The following STX7 variants were observed in gnomAD, a reference collection of about 807,000 sequenced individuals.
STX7 encodes the protein syntaxin-7.
A neutral mutation model predicts 39.6 loss-of-function variants in STX7; 34 were observed. That is an observed-to-expected ratio of 0.86 (90% CI 0.65 to 1.14). The LOEUF is 1.14. STX7 is among the 50% of genes most tolerant of loss of function. The pLI, the probability that STX7 is intolerant of heterozygous loss-of-function variation, is 0.00. For synonymous variants in STX7, 119 were observed against 99.1 expected, an observed-to-expected ratio of 1.20 and a Z score of -1.19; for missense variants, 284 against 310.4, an observed-to-expected ratio of 0.92 and a Z score of 0.64.
At position 132,513,061 on chromosome 6, in the gene STX7, G is replaced by C. The variant is rs906563866; in HGVS notation, c.-113C>G. The C allele has an allele frequency of 1.3e-5, 2 of 152,304 alleles. No individual in the cohort carries two copies. The allele number at this position is 152,304 out of a possible 1,614,324, so 9.4% of individuals were successfully genotyped here. A position where few individuals can be genotyped will look rare whatever the true frequency, so the allele number is the denominator to read the frequency against. On this transcript the variant is annotated 5_prime_UTR_variant, in exon 1 of 10. Coordinates refer to ENST00000367941, the MANE Select transcript of STX7 (RefSeq NM_003569.3). ...CCGACCGCCGTCACCCACCTACCCC[G>C]GAGCCCTCAGCTGCAATTCTCAGCT...
At chr6:132,475,783 A>ACTTTGTTTTC (rs11274894) in intron 2 of STX7, 121 bp from the exon 3 acceptor site, 1 of 526,664 alleles carries the variant, frequency 1.9e-6, no homozygotes, top group Non-Finnish European at 3.2e-6. Context: ...AAAGATGAAA[A>ACTTTGTTTTC]TAGAAAATAT....
intron 9 of STX7, among the ~76,000 whole-genome samples, chr6:132,462,525 T>C (rs2114350892): frequency 6.6e-6 from 1 of 152,114 alleles, no homozygotes; most frequent in Non-Finnish European, 1.5e-5. Context: ...TGATGGATCC[T>C]GTTAAGTTTC....
chr6:132,468,436 C>T lies in STX7; in HGVS notation c.577G>A (p.Gly193Arg), dbSNP rs149848428. ...MDINEIFKDL[G>R]MMIHEQGDVI... ...TCTCCTTGTTCATGAATCATCATTC[C>T]CAAATCTTTAAATATTTCATTAATA... is the stretch of plus-strand genomic sequence containing the variant. The change falls in exon 8 of 10, where the codon GGA (glycine) becomes AGA (arginine). Residue 193 changes from glycine to arginine, a missense_variant. Gly to Arg is a moderately radical substitution (Grantham distance 125). Transcript: ENST00000367941. 4 of 1,607,342 alleles carry T rather than the reference C, an allele frequency of 2.5e-6. No individual in the cohort carries two copies. The highest frequency in any genetic ancestry group is 3.4e-6 in the Non-Finnish European group (4 of 1,176,580).
intron 2 of STX7, among the ~76,000 whole-genome samples, chr6:132,490,195 C>T (rs1259524416): frequency 6.6e-6 from 1 of 152,192 alleles, no homozygotes; most frequent in Admixed American, 6.5e-5. Flanking sequence ...CCCGCTGACA[C>T]ATCTTTTGCC....
In STX7 at chr6:132,464,716, G is replaced by A. The variant is rs184130783; in HGVS notation, c.611-641C>T. On this transcript the variant is annotated intron_variant, in intron 8 of 9. Coordinates refer to ENST00000367941, the MANE Select transcript of STX7 (RefSeq NM_003569.3). ...ACTTAGTTTGTGTTCTGTAATGGCC[G>A]ACTCAGTAGCAAGCATGTGACAATG... Among the ~76,000 whole-genome samples, 217 of 152,188 alleles carry A rather than the reference G, an allele frequency of 1.4e-3. 1 individual carries two copies. Among genetic ancestry groups the A allele is most frequent in the African/African-American group, 4.9e-3 (203 of 41,526 alleles).
rs1286438517 is a variant in STX7 at position 132,458,387 on chromosome 6, T to C, written c.*2371A>G. On this transcript the variant is annotated 3_prime_UTR_variant, in exon 10 of 10. Coordinates refer to ENST00000367941, the MANE Select transcript of STX7 (RefSeq NM_003569.3). ...ATCACTCTTTTACCATCAATCATAT[T>C]GCAAAACCATAGTATTTAACGACCA... The C allele has an allele frequency of 1.3e-5, 2 of 152,226 alleles. No homozygotes were observed. Among genetic ancestry groups the C allele is most frequent in the South Asian group, 2.1e-4 (1 of 4,824 alleles). 9.4% of individuals were successfully genotyped at this position (152,226 alleles called of 1,614,324 possible).
chr6:132,506,429 AG>A (rs1248329530), intron 1 of STX7, among the ~76,000 whole-genome samples: 1 of 152,212 alleles, frequency 6.6e-6, no homozygotes, highest in African/African-American at 2.4e-5. Flanking sequence ...CCCATTAAAA[AG>A]GGGGCAAAGC....
At chr6:132,477,143 T>A (rs549123606) in intron 2 of STX7, among the ~76,000 whole-genome samples, 1 of 152,246 alleles carries the variant, frequency 6.6e-6, no homozygotes, top group South Asian at 2.1e-4. Flanking sequence ...ACTCTTAGCA[T>A]TTGGCTAATT....
At chr6:132,487,125 G>C (rs1261624811) in intron 2 of STX7, among the ~76,000 whole-genome samples, 1 of 152,180 alleles carries the variant, frequency 6.6e-6, no homozygotes, top group East Asian at 1.9e-4. Context: ...CTGGTTCTTT[G>C]TGAGAAGGTT....
chr6:132,461,654 G>A, intron 9 of STX7: 1 of 606,182 alleles, frequency 1.6e-6, no homozygotes, highest in South Asian at 2.6e-5. Context: ...ATTTTGGAAT[G>A]AGTTTCCAAA....
chr6:132,481,952 T>C (rs1446074296), intron 2 of STX7, among the ~76,000 whole-genome samples: 1 of 152,182 alleles, frequency 6.6e-6, no homozygotes, highest in Non-Finnish European at 1.5e-5. Flanking sequence ...TACTCAGACC[T>C]ACACTGAAAT....
At chr6:132,463,539 A>AT (rs1378718803) in intron 9 of STX7, among the ~76,000 whole-genome samples, 1 of 152,202 alleles carries the variant, frequency 6.6e-6, no homozygotes, top group Admixed American at 6.5e-5. Flanking sequence ...CTCCAAGCTA[A>AT]TATGATTTCC....
rs934504877 is a variant in STX7, at chr6:132,459,406, G to C, written c.*1352C>G. Reference sequence around the variant, plus strand: ...CAGAAAGATGCTGAATGGCCACAGTGCATGTGGTGATGTCTCCATGCTGAG... The same window carrying C: ...CAGAAAGATGCTGAATGGCCACAGTCCATGTGGTGATGTCTCCATGCTGAG... On this transcript the variant is annotated 3_prime_UTR_variant, in exon 10 of 10. Coordinates refer to ENST00000367941, the MANE Select transcript of STX7 (RefSeq NM_003569.3). 4 of 152,234 alleles carry C rather than the reference G, an allele frequency of 2.6e-5. No individual in the cohort carries two copies. Among genetic ancestry groups the C allele is most frequent in the African/African-American group, 9.6e-5 (4 of 41,452 alleles). The allele number at this position is 152,234 out of a possible 1,614,324, so 9.4% of individuals were successfully genotyped here.
Position 132,488,959 on chromosome 6 carries a change from T to C in STX7, c.86-13297A>G, listed in dbSNP as rs562816053. ...GCTCGTGCCTGTAATCCCAGCACTT[T>C]GGGAGGCCAAGGTAAGCAGATCACT... On this transcript the variant is annotated intron_variant, in intron 2 of 9. Coordinates refer to ENST00000367941, the MANE Select transcript of STX7 (RefSeq NM_003569.3). Among the ~76,000 whole-genome samples, 637 of 152,220 alleles carry C rather than the reference T, an allele frequency of 4.2e-3. 7 individuals are homozygous for C. The highest frequency in any genetic ancestry group is 4.6e-3 in the Non-Finnish European group (314 of 67,992).
chr6:132,504,841 T>C (rs573065215), intron 1 of STX7, among the ~76,000 whole-genome samples: 9 of 152,130 alleles, frequency 5.9e-5, no homozygotes, highest in African/African-American at 1.9e-4. Flanking sequence ...AATAGAAACA[T>C]AGGATTTGGA....
At chr6:132,504,398 G>A (rs1775648080) in intron 1 of STX7, among the ~76,000 whole-genome samples, 2 of 152,164 alleles carry the variant, frequency 1.3e-5, no homozygotes, top group Non-Finnish European at 2.9e-5. Flanking sequence ...ACAGGAGGCA[G>A]GTGAGATGAC....
intron 8 of STX7, among the ~76,000 whole-genome samples, chr6:132,466,419 C>A (rs1343490738): frequency 2.6e-5 from 4 of 152,152 alleles, no homozygotes; most frequent in Non-Finnish European, 1.5e-5. Context: ...CTGCAAAGAG[C>A]CAGAAAATGA....
rs546519717 is a variant in STX7, at chr6:132,463,975, T to A, written c.693+18A>T. 3.1e-6 allele frequency: 5 copies of A among 1,613,150 alleles called. No homozygotes were observed. In the East Asian group the frequency reaches 1.1e-4, roughly 36 times the overall value. ...CGAAAAGGATAAGTTATAAGAAAAT[T>A]GATCACAGTTAAATTACCTGATAAT... On this transcript the variant is annotated intron_variant, in intron 9 of 9. Coordinates refer to ENST00000367941, the MANE Select transcript of STX7 (RefSeq NM_003569.3).
intron 2 of STX7, among the ~76,000 whole-genome samples, chr6:132,479,842 G>A (rs1237194429): frequency 6.6e-6 from 1 of 152,116 alleles, no homozygotes; most frequent in Non-Finnish European, 1.5e-5. Context: ...ACGCTCTACA[G>A]AGATGATTTT....
Sources: gnomAD v4.1 joint callset for allele counts (sites outside exome capture counted in the v4.1 genomes callset) on GRCh38, gnomAD v4.1.1 for gene constraint, MANE v1.5 for transcripts, NCBI Gene and HGNC (gene_info 2026-07-23, HGNC 2026-07-21) for gene names.